The following FSD2 variants were observed in gnomAD, a reference collection of about 807,000 sequenced individuals.
The protein encoded by FSD2 is fibronectin type III and SPRY domain-containing protein 2.
A neutral mutation model predicts 80.4 loss-of-function variants in FSD2; 71 were observed. The observed-to-expected ratio is 0.88, with a 90% confidence interval of 0.73 to 1.08. The LOEUF is 1.08. FSD2 is among the 50% of genes least tolerant of loss of function. FSD2 has a pLI of 0.00. For missense variants in FSD2, 923 were observed against 913.8 expected (o/e 1.01, Z -0.13); for synonymous variants, 361 against 329.5 (o/e 1.10, Z -1.03).
At chr15:82,786,386 G>T (rs1432674050) in intron 3 of FSD2, 125 bp downstream of exon 3, 5 of 716,518 alleles carry the variant, frequency 7.0e-6, no homozygotes, top group African/African-American at 1.8e-5. Flanking sequence ...GAGGAGAGAA[G>T]GGGGAGTGGT....
intron 1 of FSD2, among the ~76,000 whole-genome samples, chr15:82,798,166 T>C (rs1207887578): frequency 6.6e-6 from 1 of 151,760 alleles, no homozygotes; most frequent in Non-Finnish European, 1.5e-5. Context: ...AAAAGAAACC[T>C]CACCTCTATT....
chr15:82,783,107 G>A, intron 3 of FSD2, 82 bp from the exon 4 acceptor site: 1 of 1,060,620 alleles, frequency 9.4e-7, no homozygotes, highest in Non-Finnish European at 1.4e-6. Context: ...TTTTTTGTTT[G>A]TTTGTTTTTG....
chr15:82,773,309 A>G (rs1055242815), intron 6 of FSD2, among the ~76,000 whole-genome samples: 5 of 152,306 alleles, frequency 3.3e-5, no homozygotes, highest in African/African-American at 9.6e-5. Context: ...CAGGGGCTGA[A>G]AGATCGTAAT....
intron 1 of FSD2, among the ~76,000 whole-genome samples, chr15:82,797,446 A>G (rs1024319292): frequency 6.6e-6 from 1 of 152,378 alleles, no homozygotes; most frequent in South Asian, 2.1e-4. Context: ...ATCAATGGAT[A>G]CACAAATAAA....
At position 82,783,796 on chromosome 15, in the gene FSD2, A is replaced by G. The variant is rs576540181; in HGVS notation, c.736-771T>C. ...TCATACAAATATCAAGATTAAATCA[A>G]CTAGGATCATATCAACTAGGGGAGA... On this transcript the variant is annotated intron_variant, in intron 3 of 12. Coordinates refer to ENST00000334574, the MANE Select transcript of FSD2 (RefSeq NM_001007122.4). Among the ~76,000 whole-genome samples, 75 of 152,324 alleles carry G rather than the reference A, an allele frequency of 4.9e-4. 1 individual carries two copies. In the South Asian group the frequency reaches 0.016, roughly 32 times the overall value.
Position 82,762,292 on chromosome 15 carries a change from G to A in FSD2, c.1821-14C>T. On this transcript the variant is annotated splice_polypyrimidine_tract_variant and intron_variant, in intron 11 of 12. Transcript: ENST00000334574. Reference sequence around the variant, plus strand: ...ACAGCAACACACCTGGTTTTAGAAAGTGGAAGCATGTGTGATCTGGGGTGC... The same window carrying A: ...ACAGCAACACACCTGGTTTTAGAAAATGGAAGCATGTGTGATCTGGGGTGC... The A allele has an allele frequency of 6.2e-7, 1 of 1,610,868 alleles. No homozygotes were observed. Among genetic ancestry groups the A allele is most frequent in the Non-Finnish European group, 8.5e-7 (1 of 1,178,166 alleles).
Position 82,786,981 on chromosome 15 carries a change from C to T in FSD2, c.410G>A (p.Trp137Ter). Residue 137 changes from tryptophan to a stop codon, truncating the protein, a stop_gained, in exon 2 of 13, where the codon TGG becomes TAG. Coordinates refer to ENST00000334574, the MANE Select transcript of FSD2 (RefSeq NM_001007122.4). LOFTEE classifies it high-confidence loss of function. ...AEAEDLGFGGWGSAGQCQDLR... is the reference protein window; with the variant it reads ...AEAEDLGFGG ...GTCCTGGCACTGGCCTGCTGAGCCC[C>T]ACCCTCCGAAGCCCAGGTCCTCGGC... is the stretch of plus-strand genomic sequence containing the variant. 1 of 1,614,034 alleles carries T rather than the reference C, an allele frequency of 6.2e-7. No individual in the cohort carries two copies.
intron 1 of FSD2, among the ~76,000 whole-genome samples, chr15:82,788,408 G>A (rs574188618): frequency 7.5e-4 from 113 of 151,238 alleles, no homozygotes; most frequent in African/African-American, 2.4e-3. Context: ...GGAGGCTGAG[G>A]TGGGAGGATC....
chr15:82,773,502 G>T (rs1486094722), intron 6 of FSD2, among the ~76,000 whole-genome samples: 1 of 152,176 alleles, frequency 6.6e-6, no homozygotes, highest in African/African-American at 2.4e-5. Flanking sequence ...GGAAGGTGAT[G>T]ATTTATGTGA....
chr15:82,795,056 C>G (rs1192533118), intron 1 of FSD2, among the ~76,000 whole-genome samples: 1 of 152,138 alleles, frequency 6.6e-6, no homozygotes, highest in Non-Finnish European at 1.5e-5. Flanking sequence ...GTGTATCCCT[C>G]TTTATCTCTA....
At chr15:82,789,036 A>G (rs2050076940) in intron 1 of FSD2, among the ~76,000 whole-genome samples, 3 of 152,088 alleles carry the variant, frequency 2.0e-5, no homozygotes, top group Admixed American at 6.6e-5. Flanking sequence ...CTAACCTAGT[A>G]ATCCTCTTCT....
chr15:82,778,654 C>T lies in FSD2; in HGVS notation c.1111+112G>A, dbSNP rs2049778844. On this transcript the variant is annotated intron_variant, in intron 6 of 12. Coordinates refer to ENST00000334574, the MANE Select transcript of FSD2 (RefSeq NM_001007122.4). ...CTGTATTTAACAATATTGTATTGTA[C>T]ACTTTAAAATTTGTTAAGAGGATAG... 2.5e-6 allele frequency: 3 copies of T among 1,209,644 alleles called. No individual in the cohort carries two copies. In the South Asian group the frequency reaches 4.7e-5, roughly 19 times the overall value. 74.9% of individuals were successfully genotyped at this position (1,209,644 alleles called of 1,614,324 possible).
At chr15:82,760,881 C>T (rs866670514) in intron 12 of FSD2, among the ~76,000 whole-genome samples, 1 of 152,150 alleles carries the variant, frequency 6.6e-6, no homozygotes, top group African/African-American at 2.4e-5. Flanking sequence ...TTATTCTTCC[C>T]TCTACACGTG....
intron 11 of FSD2, among the ~76,000 whole-genome samples, chr15:82,763,848 C>T (rs571252352): frequency 2.6e-5 from 4 of 152,288 alleles, no homozygotes; most frequent in South Asian, 2.1e-4. Flanking sequence ...GGACTTTCTC[C>T]GACTTTCCTG....
At chr15:82,795,814 G>A (rs979786488) in intron 1 of FSD2, among the ~76,000 whole-genome samples, 1 of 150,784 alleles carries the variant, frequency 6.6e-6, no homozygotes, top group African/African-American at 2.4e-5. Context: ...CCTGGGTGAT[G>A]GAGCGAGACT....
intron 1 of FSD2, among the ~76,000 whole-genome samples, chr15:82,804,145 G>T (rs2050476430): frequency 6.6e-6 from 1 of 152,074 alleles, no homozygotes; most frequent in South Asian, 2.1e-4. Context: ...CCACAGCAGT[G>T]TGGAATCATC....
intron 9 of FSD2, among the ~76,000 whole-genome samples, chr15:82,767,544 G>T (rs2049453035): frequency 6.6e-6 from 1 of 152,198 alleles, no homozygotes; most frequent in South Asian, 2.1e-4. Context: ...TGTACTGGAA[G>T]AATATGCACC....
Position 82,759,527 on chromosome 15 carries a change from T to C in FSD2, c.2071A>G (p.Ile691Val). Reference sequence around the variant, plus strand: ...TTTGAATGTTCATAGTCTAATAGAATGCCAATCTTCTTTGGTGGAACTGTT... The same window carrying C: ...TTTGAATGTTCATAGTCTAATAGAACGCCAATCTTCTTTGGTGGAACTGTT... The part of the protein sequence containing the change: ...RITVPPKKIG[I>V]LLDYEHSKLS... Residue 691 changes from isoleucine to valine, a missense_variant, in exon 13 of 13, where the codon ATT (isoleucine) becomes GTT (valine). Transcript: ENST00000334574. 1.2e-6 allele frequency: 2 copies of C among 1,610,266 alleles called. No individual in the cohort carries two copies. Among genetic ancestry groups the C allele is most frequent in the Non-Finnish European group, 1.7e-6 (2 of 1,177,894 alleles).
At position 82,757,227 on chromosome 15, in the gene FSD2, C is replaced by T. The variant is rs990631517; in HGVS notation, c.*2121G>A. ...CTTTATACGTGTTGAGTTTTTAATC[C>T]ATTTATCCGTGTTCATACTAACGTG... is the stretch of plus-strand genomic sequence containing the variant. On this transcript the variant is annotated 3_prime_UTR_variant, in exon 13 of 13. Coordinates refer to ENST00000334574, the MANE Select transcript of FSD2 (RefSeq NM_001007122.4). The T allele has an allele frequency of 6.6e-6, 1 of 152,042 alleles. No homozygotes were observed. Among genetic ancestry groups the T allele is most frequent in the Non-Finnish European group, 1.5e-5 (1 of 68,014 alleles). The allele number at this position is 152,042 out of a possible 1,614,324, so 9.4% of individuals were successfully genotyped here.
Sources: gnomAD v4.1 joint callset for allele counts (sites outside exome capture counted in the v4.1 genomes callset) on GRCh38, gnomAD v4.1.1 for gene constraint, MANE v1.5 for transcripts, NCBI Gene and HGNC (gene_info 2026-07-23, HGNC 2026-07-21) for gene names.